Variants in CMTM4 observed in about 807,000 individuals in gnomAD.
CMTM4 encodes the protein CKLF like MARVEL transmembrane domain containing 4.
In CMTM4, 8 loss-of-function variants were observed where a neutral mutation model predicts 19.0. The observed-to-expected ratio is 0.42, with a 90% CI of 0.25 to 0.76. CMTM4 has a LOEUF of 0.76. Ranked by LOEUF, CMTM4 falls within the 30% of genes least tolerant of loss-of-function variation. CMTM4 has a pLI of 0.27. For missense variants in CMTM4, 228 were observed against 290.2 expected, an observed-to-expected ratio of 0.79 and a Z score of 1.56; for synonymous variants, 106 against 121.1, an observed-to-expected ratio of 0.88 and a Z score of 0.82.
At chr16:66,646,467 G>A (rs1487801291) in intron 1 of CMTM4, among the ~76,000 whole-genome samples, 2 of 151,938 alleles carry the variant, frequency 1.3e-5, no homozygotes, top group Non-Finnish European at 2.9e-5. Flanking sequence ...ATAGATTCAG[G>A]AAGAATCTAT....
chr16:66,651,599 T>G (rs1263952865), intron 1 of CMTM4, among the ~76,000 whole-genome samples: 1 of 152,124 alleles, frequency 6.6e-6, no homozygotes, highest in African/African-American at 2.4e-5. Flanking sequence ...ATATGACTTA[T>G]CCAGAGTCTT....
At chr16:66,605,147 G>A in the CMTM4 span, 18 of 489,652 alleles carry the variant, frequency 3.7e-5, no homozygotes, top group Non-Finnish European at 6.1e-5. This position sits in a 1 kb window ranked among gnomAD's most constrained non-coding sequence, Gnocchi z 4.6. Context: ...GCGGGGCGGG[G>A]CCCGAGCCCA....
intron 2 of CMTM4, among the ~76,000 whole-genome samples, chr16:66,632,965 A>T (rs1225675016): frequency 6.6e-6 from 1 of 151,488 alleles, no homozygotes; most frequent in African/African-American, 2.4e-5. Flanking sequence ...CATGCCTGTA[A>T]TCCCAGCTAC....
intron 1 of CMTM4, among the ~76,000 whole-genome samples, chr16:66,639,088 G>C (rs892927370): frequency 1.3e-5 from 2 of 152,172 alleles, no homozygotes; most frequent in Non-Finnish European, 2.9e-5. Context: ...TACACACTGT[G>C]CTTCTCCTAA....
In CMTM4 at chr16:66,691,537, C is replaced by T. The variant is rs534160932; in HGVS notation, c.186+4803G>A. ...GCAACACAGGGAGACCCTATCTCTA[C>T]AAAAAATTTAAAAATTAGCTAGGCA... On this transcript the variant is annotated intron_variant, in intron 1 of 3. Transcript: ENST00000394106. Among the ~76,000 whole-genome samples the T allele has an allele frequency of 3.3e-5, 5 of 152,126 alleles. No homozygotes were observed. In the South Asian group the frequency reaches 8.3e-4, roughly 25 times the overall value.
intron 1 of CMTM4, among the ~76,000 whole-genome samples, chr16:66,695,126 C>T (rs886149149): frequency 1.3e-5 from 2 of 152,126 alleles, no homozygotes; most frequent in Non-Finnish European, 2.9e-5. Context: ...GAGGGGTGAT[C>T]GCTTGAGCCC....
the CMTM4 span, chr16:66,609,356 C>T: frequency 1.5e-6 from 2 of 1,294,742 alleles, no homozygotes; most frequent in Non-Finnish European, 2.2e-6. The surrounding 1 kb of genome is among the most constrained non-coding windows in gnomAD (Gnocchi z 4.4). Context: ...GGGCTGGGAA[C>T]ACGACCAGGC....
chr16:66,625,128 G>A (rs2015710262), intron 2 of CMTM4, among the ~76,000 whole-genome samples: 1 of 152,126 alleles, frequency 6.6e-6, no homozygotes, highest in South Asian at 2.1e-4. Flanking sequence ...AAACAGAGAT[G>A]CAGCAAAGGG....
chr16:66,631,418 G>C (rs911542518), intron 2 of CMTM4, among the ~76,000 whole-genome samples: 3 of 151,674 alleles, frequency 2.0e-5, no homozygotes, highest in Admixed American at 2.0e-4. Flanking sequence ...CCACCACCCC[G>C]TCAGGGAGGT....
the CMTM4 span, chr16:66,604,906 G>T: frequency 6.8e-7 from 1 of 1,464,808 alleles, no homozygotes; most frequent in Non-Finnish European, 9.0e-7. Flanking sequence ...CTGCCGGCGC[G>T]GGCTTTCCTC....
chr16:66,600,811 G>A, the CMTM4 span, among the ~76,000 whole-genome samples: 1 of 152,196 alleles, frequency 6.6e-6, no homozygotes, highest in Non-Finnish European at 1.5e-5. Context: ...ACTGCTGTTG[G>A]ATGAATAAAT....
chr16:66,649,749 G>A (rs952094163), intron 1 of CMTM4, among the ~76,000 whole-genome samples: 3 of 152,110 alleles, frequency 2.0e-5, no homozygotes, highest in African/African-American at 7.2e-5. Context: ...CTCATGGGGG[G>A]CAGGGGCAGG....
In CMTM4 at chr16:66,652,049, A is replaced by T. The variant is rs574452895; in HGVS notation, c.187-15468T>A. ...AAAATTACCTGCTCTGGAAGGGCAG[A>T]GATGGCCCTCAGGAGCTAAAGCCAC... On this transcript the variant is annotated intron_variant, in intron 1 of 3. Transcript: ENST00000394106. Among the ~76,000 whole-genome samples the T allele has an allele frequency of 2.6e-5, 4 of 151,736 alleles. No homozygotes were observed. The East Asian group carries it at 7.7e-4, about 29-fold the overall frequency.
At chr16:66,650,683 A>C (rs1330855246) in intron 1 of CMTM4, among the ~76,000 whole-genome samples, 4 of 152,214 alleles carry the variant, frequency 2.6e-5, no homozygotes, top group Non-Finnish European at 5.9e-5. Flanking sequence ...GGATGTTACA[A>C]GAGCACAGAT....
At chr16:66,640,168 G>A (rs2016072761) in intron 1 of CMTM4, among the ~76,000 whole-genome samples, 1 of 152,018 alleles carries the variant, frequency 6.6e-6, no homozygotes, top group Non-Finnish European at 1.5e-5. Context: ...GGGCATGGTG[G>A]CGCACGCCTG....
Position 66,636,410 on chromosome 16 carries a change from G to A in CMTM4, c.358C>T (p.Leu120=), listed in dbSNP as rs748300840. Reference sequence around the variant, plus strand: ...GAGTGGCCGCTTGTACTCACTGTCAGATTCCAGTTGATCTGGGGGATCCTC... The same window carrying A: ...GAGTGGCCGCTTGTACTCACTGTCAAATTCCAGTTGATCTGGGGGATCCTC... ...HMRIPQINWN[L]TDLVNTGLSA... The change falls in exon 2 of 4, where the codon CTG becomes TTG. Residue 120 remains leucine (L), a synonymous_variant. Coordinates refer to ENST00000394106, the MANE Select transcript of CMTM4 (RefSeq NM_181521.3). 18 of 1,613,832 alleles carry A rather than the reference G, an allele frequency of 1.1e-5. No individual in the cohort carries two copies. Among genetic ancestry groups the A allele is most frequent in the Non-Finnish European group, 1.7e-6 (2 of 1,179,846 alleles).
intron 2 of CMTM4, among the ~76,000 whole-genome samples, chr16:66,635,545 G>A (rs536783625): frequency 1.3e-5 from 2 of 152,274 alleles, no homozygotes; most frequent in South Asian, 2.1e-4. Context: ...ACAGAGCCAC[G>A]TGTGGCTTCT....
At chr16:66,645,969 ACT>A (rs1317138595) in intron 1 of CMTM4, among the ~76,000 whole-genome samples, 3 of 152,160 alleles carry the variant, frequency 2.0e-5, no homozygotes, top group Non-Finnish European at 4.4e-5. Context: ...ACAGAGCGAG[ACT>A]CTGTCTCAAA....
chr16:66,604,029 GGAGT>G, the CMTM4 span: 1 of 152,420 alleles, frequency 6.6e-6, no homozygotes, highest in East Asian at 1.9e-4. Context: ...ATGTGCGTGT[GGAGT>G]GTGTGTGTGT....
Sources: gnomAD v4.1 joint callset for allele counts (sites outside exome capture counted in the v4.1 genomes callset) on GRCh38, gnomAD v4.1.1 for gene constraint, Gnocchi (gnomAD v3.1) non-coding constraint, MANE v1.5 for transcripts, NCBI Gene and HGNC (gene_info 2026-07-23, HGNC 2026-07-21) for gene names.